Variants in OPCML observed in about 807,000 individuals in gnomAD.
The protein encoded by OPCML is opioid-binding protein/cell adhesion molecule.
OPCML carries 13 observed loss-of-function variants against 37.8 expected under a neutral mutation model. The observed-to-expected ratio is 0.34, with a 90% CI of 0.22 to 0.55. The LOEUF (loss-of-function observed/expected upper bound fraction) is 0.55, where lower values mean the gene tolerates loss of function less well. OPCML is among the 20% of genes least tolerant of loss of function. The probability of loss-of-function intolerance (pLI) is 0.91; values close to 1 mark genes in which losing one functional copy is unlikely to be tolerated. For missense variants in OPCML, 341 were observed against 435.6 expected (o/e 0.78, Z 1.93); for synonymous variants, 176 against 168.8 (o/e 1.04, Z -0.33).
At chr11:133,168,134 A>G (rs1219250874) in intron 1 of OPCML, among the ~76,000 whole-genome samples, 2 of 152,212 alleles carry the variant, frequency 1.3e-5, no homozygotes, top group African/African-American at 4.8e-5. Flanking sequence ...GCTTCACTTG[A>G]CTGTAGGTGA....
At chr11:132,584,432 C>T (rs1251341126) in intron 3 of OPCML, among the ~76,000 whole-genome samples, 1 of 152,150 alleles carries the variant, frequency 6.6e-6, no homozygotes, top group African/African-American at 2.4e-5. Flanking sequence ...ATTATTCCTT[C>T]ATTTGCACTT....
chr11:132,715,058 C>T lies in OPCML; in HGVS notation c.147-57739G>A, dbSNP rs1158805210. On this transcript the variant is annotated intron_variant, in intron 2 of 7. Coordinates refer to ENST00000524381, the MANE Select transcript of OPCML (RefSeq NM_001012393.5). ...TTCCCTGCTCATGGGCAAGGGAGGGCAGGCAGCTCTCAGACAGATCACCCC... is the reference window on the plus strand; with the variant it reads ...TTCCCTGCTCATGGGCAAGGGAGGGTAGGCAGCTCTCAGACAGATCACCCC... Among the ~76,000 whole-genome samples the T allele has an allele frequency of 3.9e-5, 6 of 152,156 alleles. No individual in the cohort carries two copies. In the South Asian group the frequency reaches 8.3e-4, roughly 21 times the overall value.
At chr11:132,511,715 C>T (rs1376999983) in intron 4 of OPCML, among the ~76,000 whole-genome samples, 1 of 152,006 alleles carries the variant, frequency 6.6e-6, no homozygotes, top group East Asian at 1.9e-4. Flanking sequence ...AAAAATGAAT[C>T]TCAAATGTTA....
chr11:133,280,261 A>G (rs1056874623), intron 1 of OPCML, among the ~76,000 whole-genome samples: 3 of 152,244 alleles, frequency 2.0e-5, no homozygotes, highest in Admixed American at 2.0e-4. Context: ...CTCCTTAGAA[A>G]GAGTATGTTC....
intron 3 of OPCML, among the ~76,000 whole-genome samples, chr11:132,573,010 T>C (rs1382541246): frequency 6.6e-6 from 1 of 151,994 alleles, no homozygotes; most frequent in Non-Finnish European, 1.5e-5. Flanking sequence ...TTTGATGTTA[T>C]TGTAAATGAG....
intron 1 of OPCML, among the ~76,000 whole-genome samples, chr11:133,267,750 T>C (rs1238896485): frequency 1.3e-5 from 2 of 152,080 alleles, no homozygotes; most frequent in Admixed American, 1.3e-4. Flanking sequence ...GGATGGGTCT[T>C]TCCCGTGCTG....
At chr11:133,527,888 A>G (rs1948520782) in intron 1 of OPCML, among the ~76,000 whole-genome samples, 1 of 152,308 alleles carries the variant, frequency 6.6e-6, no homozygotes, top group Admixed American at 6.5e-5. Flanking sequence ...CTTAAAGGGA[A>G]GTGCACTCAG....
At chr11:132,694,631 C>T (rs2135901334) in intron 2 of OPCML, among the ~76,000 whole-genome samples, 1 of 152,276 alleles carries the variant, frequency 6.6e-6, no homozygotes, top group East Asian at 1.9e-4. Context: ...CTTCATGCTC[C>T]CCTTCTTTCT....
intron 2 of OPCML, among the ~76,000 whole-genome samples, chr11:132,752,261 T>TAA (rs35347941): frequency 3.9e-4 from 52 of 133,316 alleles, no homozygotes; most frequent in African/African-American, 1.2e-3. Flanking sequence ...TTAAAATAAA[T>TAA]AAAAAAAAAA....
chr11:132,945,434 T>TA (rs925634037), intron 1 of OPCML, among the ~76,000 whole-genome samples: 58 of 152,280 alleles, frequency 3.8e-4, no homozygotes, highest in Middle Eastern at 3.4e-3. Flanking sequence ...TACAAAAGAT[T>TA]AAAAAATGGT....
intron 1 of OPCML, among the ~76,000 whole-genome samples, chr11:133,000,798 T>A (rs570353211): frequency 6.6e-6 from 1 of 152,290 alleles, no homozygotes; most frequent in African/African-American, 2.4e-5. Context: ...TAATCCCCAA[T>A]GTTGGAGGTG....
chr11:133,324,770 T>C (rs970832457), intron 1 of OPCML, among the ~76,000 whole-genome samples: 7 of 152,200 alleles, frequency 4.6e-5, no homozygotes, highest in African/African-American at 1.7e-4. Context: ...GCCAATACTT[T>C]CTTGCCCACA....
At chr11:133,438,698 G>GA (rs1946295153) in intron 1 of OPCML, among the ~76,000 whole-genome samples, 1 of 152,132 alleles carries the variant, frequency 6.6e-6, no homozygotes, top group Non-Finnish European at 1.5e-5. Context: ...TTCAGGAGGG[G>GA]GGCTGCTTGC....
rs115422775 is a variant in OPCML, at chr11:132,990,986, C to T, written c.62-47976G>A. Among the ~76,000 whole-genome samples, 612 of 152,210 alleles carry T rather than the reference C, an allele frequency of 4.0e-3. 4 individuals carry two copies. Among genetic ancestry groups the T allele is most frequent in the African/African-American group, 0.014 (582 of 41,512 alleles). On this transcript the variant is annotated intron_variant, in intron 1 of 7. Coordinates refer to ENST00000524381, the MANE Select transcript of OPCML (RefSeq NM_001012393.5). ...TGCCTTTTCTCCTAAGGCCATATTG[C>T]CCCATAGAGGAATCAGAGCAGATAA...
intron 1 of OPCML, among the ~76,000 whole-genome samples, chr11:133,055,231 T>TG (rs2136974959): frequency 6.9e-6 from 1 of 145,754 alleles, no homozygotes; most frequent in East Asian, 2.1e-4. Context: ...ACCTCTACCA[T>TG]ATAATGCTGC....
intron 2 of OPCML, among the ~76,000 whole-genome samples, chr11:132,661,701 A>C (rs1941983693): frequency 6.6e-6 from 1 of 152,228 alleles, no homozygotes; most frequent in African/African-American, 2.4e-5. Flanking sequence ...AGCTAACCCT[A>C]CCTACTGATC....
At chr11:133,042,801 G>T (rs1947931918) in intron 1 of OPCML, among the ~76,000 whole-genome samples, 2 of 152,084 alleles carry the variant, frequency 1.3e-5, no homozygotes, top group South Asian at 4.1e-4. Context: ...GAAGCAAGAA[G>T]CCTCAGTATA....
intron 1 of OPCML, among the ~76,000 whole-genome samples, chr11:133,524,281 TGATACA>T (rs1948447844): frequency 6.6e-6 from 1 of 152,214 alleles, no homozygotes; most frequent in African/African-American, 2.4e-5. Context: ...GTGCAAGAAG[TGATACA>T]GCACCCTTTT....
intron 3 of OPCML, among the ~76,000 whole-genome samples, chr11:132,561,792 G>A (rs2096411283): frequency 6.6e-6 from 1 of 152,238 alleles, no homozygotes. Flanking sequence ...TGGCACAGGA[G>A]AACAGGCCTG....
Sources: allele counts gnomAD v4.1 joint callset (sites outside exome capture counted in the v4.1 genomes callset), GRCh38; gene constraint gnomAD v4.1.1; transcripts MANE v1.5; gene names NCBI Gene and HGNC (gene_info 2026-07-23, HGNC 2026-07-21).